The following RIN3 variants were observed in gnomAD, a reference collection of about 807,000 sequenced individuals.
RIN3 encodes the protein Ras and Rab interactor 3.
A neutral mutation model predicts 76.3 loss-of-function variants in RIN3; 54 were observed. The ratio of observed to expected loss-of-function variants is 0.71; its 90% CI spans 0.57 to 0.89. RIN3 has a LOEUF of 0.89. RIN3 is among the 40% of genes least tolerant of loss of function. RIN3 has a pLI of 0.00. For missense variants in RIN3, 1,256 were observed against 1,322.1 expected, an observed-to-expected ratio of 0.95 and a Z score of 0.78; for synonymous variants, 576 against 564.0, an observed-to-expected ratio of 1.02 and a Z score of -0.30.
chr14:92,517,449 G>A (rs1347887204), intron 1 of RIN3, among the ~76,000 whole-genome samples: 1 of 152,166 alleles, frequency 6.6e-6, no homozygotes, highest in African/African-American at 2.4e-5. Flanking sequence ...GGGGGCATCT[G>A]TGTGTTCAGA....
chr14:92,604,113 AG>A (rs1885442211), intron 3 of RIN3, among the ~76,000 whole-genome samples: 1 of 152,190 alleles, frequency 6.6e-6, no homozygotes, highest in Non-Finnish European at 1.5e-5. Flanking sequence ...TGCCCCTTTC[AG>A]GGGCCTGTAG....
chr14:92,673,942 A>G (rs1475073702), intron 7 of RIN3, among the ~76,000 whole-genome samples: 1 of 152,252 alleles, frequency 6.6e-6, no homozygotes, highest in East Asian at 1.9e-4. Context: ...GAAAGCAAAC[A>G]GATTGGCAAC....
Position 92,615,453 on chromosome 14 carries a change from A to T in RIN3, c.414A>T (p.Arg138Ser). ...CTCTTGTGTTTGAGGACATCTTCAG[A>T]TTGATTGCGTTCTACTGTGTCAGTA... ...GSALVFEDIF[R>S]LIAFYCVSRD... The change falls in exon 4 of 10, where the codon AGA (arginine) becomes AGT (serine). Residue 138 changes from arginine (R) to serine (S), a missense_variant. Around this residue, in one of 3 missense-constraint regions of RIN3, gnomAD observed 610 missense variants for 626.4 expected, o/e 0.97. Transcript: ENST00000216487. 6.2e-7 allele frequency: 1 copy of T among 1,614,026 alleles called. No homozygotes were observed. Among genetic ancestry groups the T allele is most frequent in the South Asian group, 1.1e-5 (1 of 91,068 alleles).
At chr14:92,650,270 T>C (rs940788614) in intron 5 of RIN3, among the ~76,000 whole-genome samples, 1 of 152,140 alleles carries the variant, frequency 6.6e-6, no homozygotes, top group Non-Finnish European at 1.5e-5. Context: ...CCCGACCTGG[T>C]CAAATCCCAG....
At chr14:92,673,206 G>A (rs75991375) in intron 7 of RIN3, among the ~76,000 whole-genome samples, 3 of 152,282 alleles carry the variant, frequency 2.0e-5, no homozygotes, top group African/African-American at 7.2e-5. Context: ...GCATGTATGA[G>A]TAGCTTGTTC....
In RIN3 at chr14:92,623,099, G is replaced by C. The variant is rs1305738239; in HGVS notation, c.440+7620G>C. Among the ~76,000 whole-genome samples the C allele has an allele frequency of 6.6e-6, 1 of 152,222 alleles. No homozygotes were observed. Among genetic ancestry groups the C allele is most frequent in the Non-Finnish European group, 1.5e-5 (1 of 68,050 alleles). On this transcript the variant is annotated intron_variant, in intron 4 of 9. Coordinates refer to ENST00000216487, the MANE Select transcript of RIN3 (RefSeq NM_024832.5). This position sits in a 1 kb window ranked among gnomAD's most constrained non-coding sequence, Gnocchi z 4.9. ...TGCGATTGCGAGAGAGGTAACAATA[G>C]AGGCCATGAGTCCTTTCCATTTACC... is the stretch of plus-strand genomic sequence containing the variant.
chr14:92,566,337 C>T (rs568944209), intron 2 of RIN3, among the ~76,000 whole-genome samples: 1 of 152,304 alleles, frequency 6.6e-6, no homozygotes, highest in Non-Finnish European at 1.5e-5. Context: ...AAAATGGCAG[C>T]TGCAGCTCCA....
rs768882458 is a variant in RIN3 at position 92,615,469 on chromosome 14, T to C, written c.430T>C (p.Cys144Arg). Residue 144 changes from cysteine to arginine, a missense_variant, in exon 4 of 10, where the codon TGT becomes CGT. Cys to Arg is a radical substitution (Grantham distance 180, BLOSUM62 -3). Coordinates refer to ENST00000216487, the MANE Select transcript of RIN3 (RefSeq NM_024832.5). Reference sequence around the variant, plus strand: ...CATCTTCAGATTGATTGCGTTCTACTGTGTCAGTAGGTGAGTAGACCCGGC... The same window carrying C: ...CATCTTCAGATTGATTGCGTTCTACCGTGTCAGTAGGTGAGTAGACCCGGC... ...EDIFRLIAFY[C>R]VSRDLLPFTL... The C allele has an allele frequency of 3.1e-6, 5 of 1,613,966 alleles. No individual in the cohort carries two copies. The East Asian group carries it at 6.7e-5, about 22-fold the overall frequency.
At chr14:92,573,503 G>GT (rs56984454) in intron 2 of RIN3, among the ~76,000 whole-genome samples, 25 of 164 alleles carry the variant, frequency 0.15, no homozygotes, top group African/African-American at 0.34. Flanking sequence ...GGGGGCCGAA[G>GT]TTCCAACCCT....
chr14:92,634,288 A>C (rs909140652), intron 4 of RIN3, among the ~76,000 whole-genome samples: 2 of 151,558 alleles, frequency 1.3e-5, no homozygotes, highest in African/African-American at 4.9e-5. Flanking sequence ...CATGTTGGCC[A>C]GGCTGGTCTC....
intron 2 of RIN3, among the ~76,000 whole-genome samples, chr14:92,575,107 A>G (rs1427544584): frequency 3.3e-5 from 5 of 152,232 alleles, no homozygotes; most frequent in Admixed American, 6.5e-5. Flanking sequence ...TAGGGAGGCC[A>G]TTAATTAATA....
chr14:92,590,170 C>T (rs1378759968), intron 3 of RIN3, among the ~76,000 whole-genome samples: 2 of 152,204 alleles, frequency 1.3e-5, no homozygotes, highest in Non-Finnish European at 2.9e-5. Context: ...GACCAGGTTC[C>T]TGCAGTGAAT....
At chr14:92,649,771 C>T (rs1290619555) in intron 5 of RIN3, among the ~76,000 whole-genome samples, 1 of 152,208 alleles carries the variant, frequency 6.6e-6, no homozygotes, top group Non-Finnish European at 1.5e-5. Context: ...TGGAAAGAGT[C>T]ACAGGAAAGG....
intron 1 of RIN3, among the ~76,000 whole-genome samples, chr14:92,535,524 T>C (rs1007387681): frequency 1.3e-5 from 2 of 151,730 alleles, no homozygotes; most frequent in Non-Finnish European, 2.9e-5. Context: ...GATTGGCGGG[T>C]GTGGGTGTGT....
chr14:92,603,698 G>C (rs1942916263), intron 3 of RIN3, among the ~76,000 whole-genome samples: 1 of 152,160 alleles, frequency 6.6e-6, no homozygotes, highest in Non-Finnish European at 1.5e-5. Flanking sequence ...GCTGGCATGG[G>C]GTTGTCTGCT....
intron 1 of RIN3, among the ~76,000 whole-genome samples, chr14:92,552,321 C>T (rs1897449923): frequency 1.3e-5 from 2 of 152,200 alleles, no homozygotes; most frequent in Non-Finnish European, 2.9e-5. Flanking sequence ...GGCTGGGAAG[C>T]AGGTTTATCT....
At chr14:92,646,796 T>C (rs1887218023) in intron 5 of RIN3, among the ~76,000 whole-genome samples, 1 of 152,182 alleles carries the variant, frequency 6.6e-6, no homozygotes. Flanking sequence ...GAAAACCACA[T>C]ATAATCTCAC....
intron 6 of RIN3, among the ~76,000 whole-genome samples, chr14:92,654,679 T>C (rs894693340): frequency 5.9e-5 from 9 of 152,120 alleles, no homozygotes; most frequent in African/African-American, 2.2e-4. Context: ...TGAGGGGTGA[T>C]GGGATTGAGA....
intron 6 of RIN3, among the ~76,000 whole-genome samples, chr14:92,655,460 C>T (rs1206773909): frequency 1.3e-5 from 2 of 152,282 alleles, no homozygotes; most frequent in East Asian, 3.9e-4. Context: ...GGTCAGGAGG[C>T]TGTTGGGGGG....
Sources: gnomAD v4.1 joint callset for allele counts (sites outside exome capture counted in the v4.1 genomes callset) on GRCh38, gnomAD v4.1.1 for gene constraint, gnomAD v4.1.1 regional missense constraint, Gnocchi (gnomAD v3.1) non-coding constraint, MANE v1.5 for transcripts, NCBI Gene and HGNC (gene_info 2026-07-23, HGNC 2026-07-21) for gene names.